IRAK3: variants seen among roughly 807,000 people sequenced by gnomAD.
The protein encoded by IRAK3 is interleukin-1 receptor-associated kinase 3.
In IRAK3, 57 loss-of-function variants were observed where a neutral mutation model predicts 56.6. That is an observed-to-expected ratio of 1.01 (90% confidence interval 0.81 to 1.26). IRAK3 has a LOEUF of 1.26. Ranked by LOEUF, IRAK3 falls within the 50% of genes most tolerant of loss-of-function variation. The pLI is 0.00. For missense variants in IRAK3, 703 were observed against 719.0 expected (o/e 0.98, Z 0.25); for synonymous variants, 258 against 255.7 (o/e 1.01, Z -0.09).
At chr12:66,208,672 A>G (rs1397005633) in intron 2 of IRAK3, among the ~76,000 whole-genome samples, 1 of 151,774 alleles carries the variant, frequency 6.6e-6, no homozygotes, top group East Asian at 1.9e-4. Flanking sequence ...GAGGCAGGAG[A>G]ATCACTTGAA....
Position 66,234,913 on chromosome 12 carries a change from C to T in IRAK3, c.887+6543C>T, listed in dbSNP as rs1428786339. 3 of 1,614,114 alleles carry T rather than the reference C, an allele frequency of 1.9e-6. No individual in the cohort carries two copies. The Admixed American group carries it at 5.0e-5, about 27-fold the overall frequency. Reference sequence around the variant, plus strand: ...GTTGCTTTGCCATTTGAGCTTGAACCCCACTGGCCTTCAGGGCAGACACAG... The same window carrying T: ...GTTGCTTTGCCATTTGAGCTTGAACTCCACTGGCCTTCAGGGCAGACACAG... On this transcript the variant is annotated intron_variant, in intron 8 of 11. Transcript: ENST00000261233.
chr12:66,219,737 G>A (rs932717418), intron 6 of IRAK3, among the ~76,000 whole-genome samples: 6 of 152,078 alleles, frequency 3.9e-5, no homozygotes, highest in Admixed American at 1.3e-4. Context: ...TTTGATAATA[G>A]CCATCCTAAT....
chr12:66,193,451 A>G (rs1257013568), intron 1 of IRAK3, among the ~76,000 whole-genome samples: 4 of 152,206 alleles, frequency 2.6e-5, no homozygotes, highest in African/African-American at 9.7e-5. Context: ...AGTGTGCTGC[A>G]TTCATTACAA....
chr12:66,211,663 A>G (rs770111090), intron 5 of IRAK3, 66 bp downstream of exon 5: 142 of 1,357,410 alleles, frequency 1.0e-4, no homozygotes, highest in Non-Finnish European at 1.4e-4. Flanking sequence ...ATATTAAAAT[A>G]TGTCATTTTT....
At chr12:66,196,319 T>G (rs1290608653) in intron 1 of IRAK3, among the ~76,000 whole-genome samples, 1 of 152,176 alleles carries the variant, frequency 6.6e-6, no homozygotes, top group Non-Finnish European at 1.5e-5. Flanking sequence ...TTAAAAACCT[T>G]GTTGGGCAGA....
rs781152828 is a variant in IRAK3, at chr12:66,244,577, A to G, written c.979A>G (p.Thr327Ala). The G allele has an allele frequency of 5.6e-6, 9 of 1,613,898 alleles. No homozygotes were observed. The Admixed American group carries it at 8.3e-5, about 15-fold the overall frequency. Residue 327 changes from threonine (T) to alanine (A), a missense_variant, in exon 9 of 12, where the codon ACC becomes GCC. Thr to Ala is a moderately conservative substitution (Grantham distance 58, BLOSUM62 0). Transcript: ENST00000261233. ...GTCCCACCTAGAACATCAGAGTTGTACCATAAATATGACCAGCAGCAGCAG... is the reference window on the plus strand; with the variant it reads ...GTCCCACCTAGAACATCAGAGTTGTGCCATAAATATGACCAGCAGCAGCAG... ...FRSHLEHQSC[T>A]INMTSSSSKH...
chr12:66,217,203 G>A lies in IRAK3; in HGVS notation c.621G>A (p.Lys207=). ...EKKMQCKKHW[K]RFLSELEVLL... is the part of the protein sequence containing the mutation. Reference sequence around the variant, plus strand: ...AAATGCAGTGTAAGAAGCATTGGAAGAGGTTTTTATCTGAGCTTGAAGTTT... The same window carrying A: ...AAATGCAGTGTAAGAAGCATTGGAAAAGGTTTTTATCTGAGCTTGAAGTTT... Residue 207 remains lysine (K), a synonymous_variant, in exon 6 of 12, where the codon AAG becomes AAA. Transcript: ENST00000261233. 6.2e-7 allele frequency: 1 copy of A among 1,612,062 alleles called. No homozygotes were observed. Among genetic ancestry groups the A allele is most frequent in the South Asian group, 1.1e-5 (1 of 91,068 alleles).
intron 8 of IRAK3, among the ~76,000 whole-genome samples, chr12:66,243,390 G>T (rs2052992566): frequency 6.6e-6 from 1 of 152,230 alleles, no homozygotes; most frequent in Non-Finnish European, 1.5e-5. Context: ...TTTAGTAACA[G>T]CATGTCGTAC....
Position 66,211,628 on chromosome 12 carries a change from A to C in IRAK3, c.588+31A>C. ...GAAAGAATTACTGTCACAGGACATCAGTTCCACTTATTTGTTCATCTTTCA... is the reference window on the plus strand; with the variant it reads ...GAAAGAATTACTGTCACAGGACATCCGTTCCACTTATTTGTTCATCTTTCA... On this transcript the variant is annotated intron_variant, in intron 5 of 11. Transcript: ENST00000261233. The C allele has an allele frequency of 1.9e-6, 3 of 1,550,274 alleles. No individual in the cohort carries two copies. The African/African-American group carries it at 4.1e-5, about 21-fold the overall frequency.
At chr12:66,244,735 C>T (rs772347582) in intron 9 of IRAK3, 51 bp downstream of exon 9, 1 of 1,484,824 alleles carries the variant, frequency 6.7e-7, no homozygotes, top group South Asian at 1.1e-5. Flanking sequence ...CAAGAATGTT[C>T]TAGATTCTAA....
At chr12:66,189,839 G>C (rs1229162366) in intron 1 of IRAK3, among the ~76,000 whole-genome samples, 1 of 152,138 alleles carries the variant, frequency 6.6e-6, no homozygotes, top group East Asian at 1.9e-4. Context: ...TTATCCTTTG[G>C]TGTTTTCAAT....
intron 11 of IRAK3, among the ~76,000 whole-genome samples, chr12:66,247,052 C>G (rs141232403): frequency 6.6e-6 from 1 of 152,208 alleles, no homozygotes; most frequent in East Asian, 1.9e-4. Context: ...GGTGGATCAG[C>G]TGAGGTCAGG....
Position 66,222,875 on chromosome 12 carries a change from G to C in IRAK3, c.654-3848G>C, listed in dbSNP as rs1457878977. On this transcript the variant is annotated intron_variant, in intron 6 of 11. Coordinates refer to ENST00000261233, the MANE Select transcript of IRAK3 (RefSeq NM_007199.3). ...TCTGTGTGAAGAGACCACCACACAG[G>C]CTTTGTGTGAGCAATAAAGCTTTTT... 8.8e-4 allele frequency among the ~76,000 whole-genome samples: 134 copies of C among 152,180 alleles called. 1 individual carries two copies. Among genetic ancestry groups the C allele is most frequent in the Non-Finnish European group, 5.9e-5 (4 of 68,042 alleles).
chr12:66,245,329 A>C, intron 11 of IRAK3, 67 bp downstream of exon 11: 1 of 1,482,546 alleles, frequency 6.7e-7, no homozygotes, highest in Non-Finnish European at 9.4e-7. Context: ...AACTAGATAA[A>C]TTGTGTATCT....
chr12:66,234,258 G>T, intron 8 of IRAK3: 1 of 1,613,430 alleles, frequency 6.2e-7, no homozygotes, highest in South Asian at 1.1e-5. Flanking sequence ...AGTGACAGAT[G>T]ACTCATCTGC....
intron 6 of IRAK3, among the ~76,000 whole-genome samples, chr12:66,222,630 A>G (rs1015056431): frequency 1.6e-4 from 25 of 152,034 alleles, no homozygotes; most frequent in Admixed American, 1.4e-3. Context: ...TAAGAGATAT[A>G]TTTTATTTTC....
At chr12:66,237,189 T>C (rs2052916840) in intron 8 of IRAK3, among the ~76,000 whole-genome samples, 1 of 152,072 alleles carries the variant, frequency 6.6e-6, no homozygotes, top group Non-Finnish European at 1.5e-5. Flanking sequence ...CTCCCAGCAT[T>C]GTGAGGAGGA....
At chr12:66,226,343 C>T (rs2052785890) in intron 6 of IRAK3, among the ~76,000 whole-genome samples, 1 of 151,910 alleles carries the variant, frequency 6.6e-6, no homozygotes, top group Non-Finnish European at 1.5e-5. Flanking sequence ...CCGGTTCAAG[C>T]AATTCTCCTG....
At chr12:66,196,807 T>C (rs1183457226) in intron 1 of IRAK3, 3 of 1,392,146 alleles carry the variant, frequency 2.2e-6, no homozygotes, top group Non-Finnish European at 2.8e-6. Flanking sequence ...CCTTAAAAGT[T>C]CTTTTAAAAA....
Sources: gnomAD v4.1 joint callset for allele counts (sites outside exome capture counted in the v4.1 genomes callset) on GRCh38, gnomAD v4.1.1 for gene constraint, MANE v1.5 for transcripts, NCBI Gene and HGNC (gene_info 2026-07-23, HGNC 2026-07-21) for gene names.